Variants in NRXN1 observed in about 807,000 individuals in gnomAD.
NRXN1 encodes the protein neurexin-1.
NRXN1 carries 39 observed loss-of-function variants against 150.9 expected under a neutral mutation model. The observed-to-expected ratio is 0.26, with a 90% CI of 0.20 to 0.34. The LOEUF (loss-of-function observed/expected upper bound fraction) is 0.34. Among genes scored for constraint, NRXN1 ranks in the 10% least tolerant of loss-of-function variants. The pLI, the probability that NRXN1 is intolerant of heterozygous loss-of-function variation, is 1.00. For missense variants in NRXN1, 1,815 were observed against 1,949.9 expected, an observed-to-expected ratio of 0.93 and a Z score of 1.30; for synonymous variants, 924 against 757.0, an observed-to-expected ratio of 1.22 and a Z score of -3.62.
At chr2:50,318,838 C>T (rs1218169641) in intron 17 of NRXN1, among the ~76,000 whole-genome samples, 2 of 152,058 alleles carry the variant, frequency 1.3e-5, no homozygotes, top group African/African-American at 4.8e-5. Flanking sequence ...GAGGGGCATA[C>T]ACAGTGCTTC....
intron 8 of NRXN1, among the ~76,000 whole-genome samples, chr2:50,576,491 T>C (rs1671453079): frequency 6.6e-6 from 1 of 152,052 alleles, no homozygotes; most frequent in African/African-American, 2.4e-5. Flanking sequence ...TACTCTTTTT[T>C]CCCCCTCATT....
At chr2:50,013,314 T>G (rs1380958099) in intron 21 of NRXN1, among the ~76,000 whole-genome samples, 1 of 139,118 alleles carries the variant, frequency 7.2e-6, no homozygotes, top group African/African-American at 2.7e-5. Context: ...ATAACCAAGA[T>G]CTATTTCTCA....
chr2:50,086,337 A>T (rs928331338), intron 19 of NRXN1, among the ~76,000 whole-genome samples: 10 of 152,212 alleles, frequency 6.6e-5, no homozygotes, highest in African/African-American at 2.4e-4. Flanking sequence ...TAATAATATG[A>T]CTTCCTGAGC....
intron 21 of NRXN1, among the ~76,000 whole-genome samples, chr2:50,018,508 G>T (rs1687004819): frequency 6.6e-6 from 1 of 152,106 alleles, no homozygotes; most frequent in Non-Finnish European, 1.5e-5. Context: ...TGTGACTTCA[G>T]CATTTCATTA....
intron 17 of NRXN1, among the ~76,000 whole-genome samples, chr2:50,376,499 G>C (rs955313891): frequency 6.6e-6 from 1 of 152,062 alleles, no homozygotes; most frequent in African/African-American, 2.4e-5. Flanking sequence ...GGGTGTACTG[G>C]GTTTTGATGC....
chr2:50,330,359 T>A (rs2076756521), intron 17 of NRXN1, among the ~76,000 whole-genome samples: 1 of 152,186 alleles, frequency 6.6e-6, no homozygotes, highest in Non-Finnish European at 1.5e-5. Flanking sequence ...ATTTCCATGA[T>A]CTCTAAATGC....
intron 2 of NRXN1, among the ~76,000 whole-genome samples, chr2:51,008,317 C>T (rs890124867): frequency 6.6e-6 from 1 of 151,790 alleles, no homozygotes; most frequent in Non-Finnish European, 1.5e-5. Flanking sequence ...CTCCATAGAA[C>T]CTGCCTGAGC....
intron 8 of NRXN1, among the ~76,000 whole-genome samples, chr2:50,567,226 G>A (rs910189603): frequency 2.6e-5 from 4 of 152,138 alleles, no homozygotes; most frequent in African/African-American, 9.7e-5. Flanking sequence ...CTTGTAACTG[G>A]AGAATAAAGA....
chr2:50,022,330 G>C (rs746244432), intron 21 of NRXN1, among the ~76,000 whole-genome samples: 4 of 152,150 alleles, frequency 2.6e-5, no homozygotes, highest in Non-Finnish European at 4.4e-5. Flanking sequence ...TATTGTTCCA[G>C]TCCTGGATAT....
At chr2:50,589,249 T>C (rs1448587247) in intron 8 of NRXN1, 2 of 152,290 alleles carry the variant, frequency 1.3e-5, no homozygotes, top group Non-Finnish European at 2.9e-5. Context: ...GTGTTTGGTA[T>C]TGAGATATGG....
chr2:50,543,157 T>C (rs1338016505), intron 9 of NRXN1, among the ~76,000 whole-genome samples: 3 of 152,162 alleles, frequency 2.0e-5, no homozygotes, highest in Non-Finnish European at 4.4e-5. Context: ...CATCCCTCTA[T>C]CTTTTTCCAG....
At chr2:50,290,144 T>G (rs1256580909) in intron 17 of NRXN1, among the ~76,000 whole-genome samples, 1 of 152,144 alleles carries the variant, frequency 6.6e-6, no homozygotes, top group Admixed American at 6.6e-5. Flanking sequence ...AGTTCACATT[T>G]AAAACCAAGA....
chr2:50,632,965 T>C (rs1180933819), intron 5 of NRXN1: 1 of 152,080 alleles, frequency 6.6e-6, no homozygotes, highest in Non-Finnish European at 1.5e-5. Flanking sequence ...TTAGGCAATA[T>C]TACAATAAAA....
intron 22 of NRXN1, among the ~76,000 whole-genome samples, chr2:49,922,720 C>T (rs1668440474): frequency 6.6e-6 from 1 of 152,124 alleles, no homozygotes. Context: ...ATCATATTCC[C>T]CTTGTATTTT....
chr2:50,852,359 T>C (rs146704001), intron 5 of NRXN1, among the ~76,000 whole-genome samples: 114 of 152,354 alleles, frequency 7.5e-4, no homozygotes, highest in African/African-American at 1.9e-3. Context: ...CTCTGACTAA[T>C]TGAATTTTGA....
At chr2:50,161,399 A>G (rs974639151) in intron 18 of NRXN1, among the ~76,000 whole-genome samples, 1 of 151,930 alleles carries the variant, frequency 6.6e-6, no homozygotes, top group Non-Finnish European at 1.5e-5. Flanking sequence ...GCAGCCCAGT[A>G]TTTCCAGCGA....
chr2:50,975,550 A>T (rs1695684782), intron 2 of NRXN1, among the ~76,000 whole-genome samples: 1 of 152,104 alleles, frequency 6.6e-6, no homozygotes, highest in South Asian at 2.1e-4. Flanking sequence ...TAAGTCCCCT[A>T]AATATATAAT....
intron 5 of NRXN1, among the ~76,000 whole-genome samples, chr2:50,882,745 C>A (rs1212804133): frequency 6.6e-6 from 1 of 151,744 alleles, no homozygotes; most frequent in Non-Finnish European, 1.5e-5. Flanking sequence ...CTTAGAAATT[C>A]CTTCAACCAT....
At chr2:50,351,622 T>C (rs2078419138) in intron 17 of NRXN1, among the ~76,000 whole-genome samples, 1 of 152,116 alleles carries the variant, frequency 6.6e-6, no homozygotes, top group Admixed American at 6.5e-5. Flanking sequence ...CACCCTTTAT[T>C]ATGAGGAATG....
Sources: allele counts gnomAD v4.1 joint callset (sites outside exome capture counted in the v4.1 genomes callset), GRCh38; gene constraint gnomAD v4.1.1; transcripts MANE v1.5; gene names NCBI Gene and HGNC (gene_info 2026-07-23, HGNC 2026-07-21).